MSI2: variants seen among roughly 807,000 people sequenced by gnomAD.
MSI2 encodes the protein musashi RNA binding protein 2.
In MSI2, 17 loss-of-function variants were observed where a neutral mutation model predicts 45.6. That is an observed-to-expected ratio of 0.37 (90% CI 0.26 to 0.56). The LOEUF (loss-of-function observed/expected upper bound fraction) is 0.56, where lower values mean the gene tolerates loss of function less well. Ranked by LOEUF, MSI2 falls within the 20% of genes least tolerant of loss-of-function variation. The pLI, the probability that MSI2 is intolerant of heterozygous loss-of-function variation, is 0.77. For synonymous variants in MSI2, 156 were observed against 158.2 expected, an observed-to-expected ratio of 0.99 and a Z score of 0.11; for missense variants, 293 against 444.2, an observed-to-expected ratio of 0.66 and a Z score of 3.06.
chr17:57,338,438 C>T (rs1208016683), intron 5 of MSI2, among the ~76,000 whole-genome samples: 3 of 152,198 alleles, frequency 2.0e-5, no homozygotes, highest in African/African-American at 7.2e-5. Flanking sequence ...CCAAGGCTGG[C>T]GTGCAATGGC....
chr17:57,633,476 A>G (rs1909587767), intron 10 of MSI2, among the ~76,000 whole-genome samples: 1 of 152,238 alleles, frequency 6.6e-6, no homozygotes, highest in Admixed American at 6.5e-5. Context: ...AAAATGCCAC[A>G]CACATCTGGA....
intron 5 of MSI2, among the ~76,000 whole-genome samples, chr17:57,272,485 C>T (rs1394230166): frequency 2.0e-5 from 3 of 152,156 alleles, no homozygotes; most frequent in African/African-American, 7.2e-5. Flanking sequence ...GATCCCGCCC[C>T]TCCAAAGGCC....
At chr17:57,506,200 C>T (rs1477659379) in intron 6 of MSI2, among the ~76,000 whole-genome samples, 1 of 152,202 alleles carries the variant, frequency 6.6e-6, no homozygotes, top group East Asian at 1.9e-4. Context: ...GCCAATTAGC[C>T]ACGATCAGGG....
intron 11 of MSI2, among the ~76,000 whole-genome samples, chr17:57,669,831 G>C (rs11079320): frequency 0.15 from 23,220 of 152,168 alleles, 2,215 homozygotes; most frequent in East Asian, 0.4. Context: ...GCCTCCCCGA[G>C]CCACACGCAC....
chr17:57,409,280 T>C (rs2084143670), intron 6 of MSI2, among the ~76,000 whole-genome samples: 1 of 152,186 alleles, frequency 6.6e-6, no homozygotes, highest in Non-Finnish European at 1.5e-5. Context: ...CTTCTCCTCC[T>C]CTTTCTTTTC....
In MSI2 at chr17:57,343,688, C is replaced by T. The variant is rs550969359; in HGVS notation, c.313-57691C>T. Among the ~76,000 whole-genome samples the T allele has an allele frequency of 2.6e-5, 4 of 152,274 alleles. No individual in the cohort carries two copies. The South Asian group carries it at 8.3e-4, about 32-fold the overall frequency. On this transcript the variant is annotated intron_variant, in intron 5 of 13. Coordinates refer to ENST00000284073, the MANE Select transcript of MSI2 (RefSeq NM_138962.4). The stretch of plus-strand genomic sequence containing the variant: ...ATCTGTCCTTTATAGAATTCTTTTT[C>T]CCTCAAGTACAGGATACAATGGAGG...
chr17:57,607,445 GTCC>G (rs1906732219), intron 8 of MSI2, among the ~76,000 whole-genome samples: 1 of 152,208 alleles, frequency 6.6e-6, no homozygotes, highest in Non-Finnish European at 1.5e-5. Flanking sequence ...GCATGGGCAG[GTCC>G]CACATCCATG....
chr17:57,318,730 T>G (rs1913078408), intron 5 of MSI2, among the ~76,000 whole-genome samples: 1 of 152,036 alleles, frequency 6.6e-6, no homozygotes, highest in Non-Finnish European at 1.5e-5. Context: ...GGCCTTGGAG[T>G]CCGAGGAGTG....
At chr17:57,364,219 A>C (rs948198623) in intron 5 of MSI2, among the ~76,000 whole-genome samples, 1 of 152,236 alleles carries the variant, frequency 6.6e-6, no homozygotes, top group African/African-American at 2.4e-5. Flanking sequence ...GAGGGGCCAG[A>C]AGGCTCGGCT....
chr17:57,537,008 C>A (rs1019977280), intron 7 of MSI2, among the ~76,000 whole-genome samples: 2 of 152,088 alleles, frequency 1.3e-5, no homozygotes, highest in African/African-American at 4.8e-5. Flanking sequence ...ATGATTGAGT[C>A]CAAGAGGTCT....
At chr17:57,644,360 A>C (rs1348552965) in intron 10 of MSI2, among the ~76,000 whole-genome samples, 1 of 150,948 alleles carries the variant, frequency 6.6e-6, no homozygotes, top group Admixed American at 6.6e-5. Context: ...TGGTCCTCCC[A>C]CTCCAAACAT....
downstream of MSI2, among the ~76,000 whole-genome samples, chr17:57,686,111 C>A (rs967770513): frequency 1.3e-5 from 2 of 152,088 alleles, no homozygotes; most frequent in Non-Finnish European, 2.9e-5. Flanking sequence ...GAATGAAACC[C>A]CATCTCCCAT....
intron 6 of MSI2, among the ~76,000 whole-genome samples, chr17:57,509,782 T>TC (rs146195981): frequency 0.017 from 2,648 of 152,118 alleles, 106 homozygotes; most frequent in African/African-American, 0.06. Context: ...GCAAATGCAG[T>TC]CCCCCCATGA....
intron 5 of MSI2, among the ~76,000 whole-genome samples, chr17:57,338,727 G>A (rs1914887757): frequency 6.6e-6 from 1 of 152,166 alleles, no homozygotes; most frequent in Non-Finnish European, 1.5e-5. Flanking sequence ...TCCCTGCTAT[G>A]GCTTTTTATT....
chr17:57,391,562 C>T (rs1256327608), intron 5 of MSI2, among the ~76,000 whole-genome samples: 4 of 152,164 alleles, frequency 2.6e-5, no homozygotes, highest in Middle Eastern at 3.2e-3. Context: ...CTGAGACCAT[C>T]GTGCCACCAT....
chr17:57,562,636 GA>G (rs141257273), intron 7 of MSI2, among the ~76,000 whole-genome samples: 1,858 of 151,798 alleles, frequency 0.012, 43 homozygotes, highest in African/African-American at 0.042. Flanking sequence ...ACTATGTTGG[GA>G]AAAAAAATAC....
the MSI2 span, among the ~76,000 whole-genome samples, chr17:57,699,313 C>A: frequency 6.6e-6 from 1 of 150,458 alleles, no homozygotes; most frequent in Non-Finnish European, 1.5e-5. Context: ...TCAGCCATCA[C>A]TGGGACCATG....
intron 7 of MSI2, among the ~76,000 whole-genome samples, chr17:57,560,410 C>A (rs8081265): frequency 0.55 from 83,167 of 152,028 alleles, 24,060 homozygotes; most frequent in African/African-American, 0.76. Flanking sequence ...CTTCCACCCA[C>A]TTCCATGGGG....
chr17:57,622,549 T>C (rs1364028613), intron 9 of MSI2, among the ~76,000 whole-genome samples: 1 of 152,068 alleles, frequency 6.6e-6, no homozygotes, highest in Non-Finnish European at 1.5e-5. Flanking sequence ...GATGATCAGC[T>C]AAAGCACGTT....
Sources: allele counts gnomAD v4.1 joint callset (sites outside exome capture counted in the v4.1 genomes callset), GRCh38; gene constraint gnomAD v4.1.1; transcripts MANE v1.5; gene names NCBI Gene and HGNC (gene_info 2026-07-23, HGNC 2026-07-21).